The following GRM8 variants were observed in gnomAD, a reference collection of about 807,000 sequenced individuals.
GRM8 encodes the protein glutamate metabotropic receptor 8, also known as metabotropic glutamate receptor 8.
Under a neutral mutation model 87.2 loss-of-function variants are expected in GRM8, and 47 were observed. The ratio of observed to expected loss-of-function variants is 0.54; its 90% confidence interval spans 0.43 to 0.69. The LOEUF (loss-of-function observed/expected upper bound fraction) is 0.69, where lower values mean the gene tolerates loss of function less well. Ranked by LOEUF, GRM8 falls within the 30% of genes least tolerant of loss-of-function variation. The pLI is 0.00. For missense variants in GRM8, 1,019 were observed against 1,139.2 expected (o/e 0.89, Z 1.52); for synonymous variants, 396 against 404.5 (o/e 0.98, Z 0.25).
chr7:127,063,317 T>C (rs1454773796), intron 3 of GRM8, among the ~76,000 whole-genome samples: 1 of 152,148 alleles, frequency 6.6e-6, no homozygotes, highest in Non-Finnish European at 1.5e-5. Flanking sequence ...GGCTCATGCC[T>C]GTAATCCCAG....
chr7:126,548,002 A>T (rs1436595063), intron 8 of GRM8, among the ~76,000 whole-genome samples: 3 of 152,130 alleles, frequency 2.0e-5, no homozygotes, highest in Non-Finnish European at 4.4e-5. Flanking sequence ...AAAAGATGTG[A>T]ATCCACCACA....
chr7:126,641,483 G>A (rs1394395246), intron 7 of GRM8, among the ~76,000 whole-genome samples: 3 of 152,160 alleles, frequency 2.0e-5, no homozygotes, highest in African/African-American at 4.8e-5. Context: ...CATGGAGTAA[G>A]CATGGTGCAG....
intron 2 of GRM8, among the ~76,000 whole-genome samples, chr7:127,173,814 G>A (rs2116347040): frequency 6.6e-6 from 1 of 152,196 alleles, no homozygotes; most frequent in African/African-American, 2.4e-5. Context: ...GCGCACACCT[G>A]GTCAACCCTT....
chr7:126,826,983 C>T (rs1794866836), intron 6 of GRM8, among the ~76,000 whole-genome samples: 1 of 152,168 alleles, frequency 6.6e-6, no homozygotes, highest in African/African-American at 2.4e-5. Flanking sequence ...TCCTTTCCCC[C>T]ATTGCTTGTT....
At chr7:126,746,893 T>TGAA (rs372686083) in intron 7 of GRM8, among the ~76,000 whole-genome samples, 9 of 151,886 alleles carry the variant, frequency 5.9e-5, no homozygotes, top group Admixed American at 2.6e-4. Context: ...TTCATACTTC[T>TGAA]ATGTAGTTTA....
At chr7:126,856,836 G>A (rs1797731118) in intron 6 of GRM8, among the ~76,000 whole-genome samples, 1 of 152,162 alleles carries the variant, frequency 6.6e-6, no homozygotes, top group South Asian at 2.1e-4. Flanking sequence ...TTATCCACTG[G>A]AAGATTCGTG....
intron 2 of GRM8, among the ~76,000 whole-genome samples, chr7:127,147,064 A>G (rs1828591116): frequency 6.6e-6 from 1 of 152,064 alleles, no homozygotes; most frequent in Admixed American, 6.6e-5. Context: ...TGTGTGTGCT[A>G]TTATTGCTAT....
intron 2 of GRM8, among the ~76,000 whole-genome samples, chr7:127,182,928 C>T (rs1056085843): frequency 9.2e-5 from 14 of 151,664 alleles, no homozygotes; most frequent in African/African-American, 3.1e-4. Context: ...GGATAAAAGT[C>T]TACAAATATA....
intron 3 of GRM8, among the ~76,000 whole-genome samples, chr7:127,092,818 T>C (rs1160511009): frequency 6.6e-6 from 1 of 152,220 alleles, no homozygotes; most frequent in East Asian, 1.9e-4. Flanking sequence ...CATGTGGCAG[T>C]ATGTTCAGGT....
At chr7:127,132,717 G>A (rs888418098) in intron 2 of GRM8, among the ~76,000 whole-genome samples, 1 of 152,036 alleles carries the variant, frequency 6.6e-6, no homozygotes, top group Non-Finnish European at 1.5e-5. Context: ...AGTACCTGAG[G>A]AAGAGGTTTC....
intron 7 of GRM8, among the ~76,000 whole-genome samples, chr7:126,763,762 A>C (rs967613013): frequency 6.6e-6 from 1 of 151,866 alleles, no homozygotes; most frequent in South Asian, 2.1e-4. Context: ...ATTAAAATTT[A>C]AAATACTATT....
intron 9 of GRM8, among the ~76,000 whole-genome samples, chr7:126,482,524 T>C (rs960643992): frequency 3.3e-5 from 5 of 152,006 alleles, no homozygotes; most frequent in Non-Finnish European, 7.4e-5. Flanking sequence ...GAAGACATTA[T>C]GCTAAGTGAA....
chr7:127,072,516 G>A (rs1284998572), intron 3 of GRM8, among the ~76,000 whole-genome samples: 1 of 151,864 alleles, frequency 6.6e-6, no homozygotes, highest in Non-Finnish European at 1.5e-5. Flanking sequence ...AAACTTTTTA[G>A]CATTTATATC....
chr7:126,681,572 C>T (rs1295920953), intron 7 of GRM8, among the ~76,000 whole-genome samples: 2 of 152,230 alleles, frequency 1.3e-5, no homozygotes, highest in Non-Finnish European at 2.9e-5. Context: ...CAGGCTGAAA[C>T]TCAACAACTT....
At chr7:126,830,117 T>C (rs1013360726) in intron 6 of GRM8, among the ~76,000 whole-genome samples, 1 of 152,228 alleles carries the variant, frequency 6.6e-6, no homozygotes, top group African/African-American at 2.4e-5. Context: ...CCGAGCTTTC[T>C]CTCTGGCTGC....
chr7:126,496,833 C>CA (rs374164064), intron 9 of GRM8, among the ~76,000 whole-genome samples: 8 of 151,522 alleles, frequency 5.3e-5, no homozygotes, highest in Non-Finnish European at 8.8e-5. Flanking sequence ...TTGTTCCTCA[C>CA]AAAAAAGCCT....
intron 6 of GRM8, among the ~76,000 whole-genome samples, chr7:126,788,606 C>T (rs945466993): frequency 4.0e-5 from 6 of 151,576 alleles, no homozygotes; most frequent in Non-Finnish European, 8.8e-5. Context: ...AAATAAAATA[C>T]AATTGTGTTA....
intron 7 of GRM8, among the ~76,000 whole-genome samples, chr7:126,637,247 CGAGGGAAG>C (rs1801950669): frequency 6.6e-6 from 1 of 151,440 alleles, no homozygotes; most frequent in Non-Finnish European, 1.5e-5. Flanking sequence ...AATTTGGGTG[CGAGGGAAG>C]GATATGATAA....
intron 6 of GRM8, among the ~76,000 whole-genome samples, chr7:126,813,571 AG>A (rs1347202676): frequency 6.6e-6 from 1 of 152,056 alleles, no homozygotes; most frequent in African/African-American, 2.4e-5. Flanking sequence ...TTGGTGGGGA[AG>A]ATTTATGGAC....
Sources: allele counts gnomAD v4.1 joint callset (sites outside exome capture counted in the v4.1 genomes callset), GRCh38; gene constraint gnomAD v4.1.1; transcripts MANE v1.5; gene names NCBI Gene and HGNC (gene_info 2026-07-23, HGNC 2026-07-21).